Variants in GUCY2F observed in about 807,000 individuals in gnomAD.
GUCY2F encodes the protein guanylate cyclase 2F, retinal.
In GUCY2F, 61 loss-of-function variants were observed where a neutral mutation model predicts 73.1. The observed-to-expected ratio is 0.83, with a 90% CI of 0.68 to 1.03. GUCY2F has a LOEUF of 1.03. GUCY2F is among the 50% of genes least tolerant of loss of function. The pLI, the probability that GUCY2F is intolerant of heterozygous loss-of-function variation, is 0.00. For missense variants in GUCY2F, 912 were observed against 854.3 expected, an observed-to-expected ratio of 1.07 and a Z score of -0.84; for synonymous variants, 331 against 307.8, an observed-to-expected ratio of 1.08 and a Z score of -0.79.
intron 13 of GUCY2F, among the ~76,000 whole-genome samples, chrX:109,392,332 A>G (rs1228415314): frequency 1.8e-5 from 2 of 112,253 alleles, no homozygotes; most frequent in Non-Finnish European, 3.8e-5. Context: ...AGCACTGGAC[A>G]GACCTGGTCT....
intron 3 of GUCY2F, among the ~76,000 whole-genome samples, chrX:109,458,009 T>G (rs916544487): frequency 1.8e-5 from 2 of 111,827 alleles, no homozygotes; most frequent in African/African-American, 3.2e-5. Context: ...TTATAATCCT[T>G]GCCCAATCAT....
At chrX:109,463,354 T>C (rs967901159) in intron 3 of GUCY2F, among the ~76,000 whole-genome samples, 2 of 110,601 alleles carry the variant, frequency 1.8e-5, no homozygotes, top group Non-Finnish European at 3.8e-5. Flanking sequence ...GGTTTAGGCA[T>C]GGGCATGGGA....
chrX:109,383,336 A>G, intron 16 of GUCY2F: 1 of 493,159 alleles, frequency 2.0e-6, no homozygotes, highest in African/African-American at 2.6e-5. Flanking sequence ...GGGAACACAC[A>G]GCTTAAAAGA....
chrX:109,385,366 G>A (rs1930412745), intron 15 of GUCY2F, 84 bp from the exon 16 acceptor site: 2 of 474,886 alleles, frequency 4.2e-6, no homozygotes, highest in Non-Finnish European at 7.2e-6. Flanking sequence ...AGGAAGGAAT[G>A]TATCTTTGTA....
chrX:109,383,622 G>C (rs1930370582), intron 16 of GUCY2F, among the ~76,000 whole-genome samples: 2 of 111,948 alleles, frequency 1.8e-5, no homozygotes, highest in African/African-American at 6.5e-5. Context: ...ACATTAACCA[G>C]CTCCTTTAGC....
chrX:109,463,367 C>T (rs1194321402), intron 3 of GUCY2F, among the ~76,000 whole-genome samples: 3 of 108,095 alleles, frequency 2.8e-5, no homozygotes, highest in Non-Finnish European at 5.7e-5. Context: ...GCATGGGACA[C>T]AATCGTGACA....
At chrX:109,380,861 G>T (rs1229932896) in intron 17 of GUCY2F, among the ~76,000 whole-genome samples, 1 of 112,243 alleles carries the variant, frequency 8.9e-6, no homozygotes, top group African/African-American at 3.2e-5. Flanking sequence ...CAATGCAGAG[G>T]AAAAGGTCTT....
At chrX:109,407,265 G>T (rs1403879084) in intron 9 of GUCY2F, among the ~76,000 whole-genome samples, 2 of 112,197 alleles carry the variant, frequency 1.8e-5, no homozygotes, top group Non-Finnish European at 3.8e-5. Flanking sequence ...GTGGCATTTT[G>T]CCCCTGCCCT....
At chrX:109,381,580 A>G (rs911338360) in intron 17 of GUCY2F, among the ~76,000 whole-genome samples, 37 of 112,269 alleles carry the variant, frequency 3.3e-4, no homozygotes, top group African/African-American at 1.1e-3. Context: ...TAACTCTAAC[A>G]GGGAAAAAGG....
chrX:109,454,818 T>C (rs755120243), intron 3 of GUCY2F, among the ~76,000 whole-genome samples: 15 of 111,022 alleles, frequency 1.4e-4, no homozygotes, highest in South Asian at 3.8e-4. Context: ...TGGTTTTCCA[T>C]GTCACTTCAC....
chrX:109,431,469 C>T (rs959156068), intron 7 of GUCY2F, among the ~76,000 whole-genome samples: 1 of 110,657 alleles, frequency 9.0e-6, no homozygotes, highest in Non-Finnish European at 1.9e-5. Context: ...GAGGCTGAGG[C>T]GGGCGGATCG....
intron 3 of GUCY2F, among the ~76,000 whole-genome samples, chrX:109,462,106 A>G (rs143288959): frequency 5.8e-4 from 65 of 112,942 alleles, no homozygotes; most frequent in African/African-American, 2.1e-3. Flanking sequence ...CCTAGCCTCA[A>G]AGGAGAAAAA....
chrX:109,439,416 T>C (rs926970302), intron 7 of GUCY2F, among the ~76,000 whole-genome samples: 5 of 111,925 alleles, frequency 4.5e-5, no homozygotes, highest in Non-Finnish European at 7.5e-5. Context: ...CTTCTATCCA[T>C]ACCAATCTCC....
chrX:109,416,785 T>G (rs762531722), intron 8 of GUCY2F, among the ~76,000 whole-genome samples: 1 of 110,407 alleles, frequency 9.1e-6, no homozygotes, highest in Admixed American at 9.6e-5. Context: ...CCAAGGAGAT[T>G]AAATACAAAG....
At chrX:109,404,264 C>T (rs1179938872) in intron 10 of GUCY2F, 64 bp downstream of exon 10, 2 of 781,648 alleles carry the variant, frequency 2.6e-6, no homozygotes, top group Non-Finnish European at 3.8e-6. Context: ...TAATTCAGTG[C>T]ATATTTTCAT....
At chrX:109,384,596 G>T (rs1173776446) in intron 16 of GUCY2F, among the ~76,000 whole-genome samples, 1 of 111,501 alleles carries the variant, frequency 9.0e-6, no homozygotes, top group Non-Finnish European at 1.9e-5. Context: ...AGAAGCTAAG[G>T]GTTTTATATA....
intron 8 of GUCY2F, among the ~76,000 whole-genome samples, chrX:109,411,666 G>T (rs1328338401): frequency 9.0e-6 from 1 of 111,727 alleles, no homozygotes; most frequent in Non-Finnish European, 1.9e-5. Flanking sequence ...TATTGAGAAT[G>T]AGGTACCTAC....
At chrX:109,431,563 G>C (rs1931613749) in intron 7 of GUCY2F, among the ~76,000 whole-genome samples, 1 of 110,443 alleles carries the variant, frequency 9.1e-6, no homozygotes, top group Non-Finnish European at 1.9e-5. Flanking sequence ...GCCGGGCGTG[G>C]TGGCGGGCGC....
intron 8 of GUCY2F, among the ~76,000 whole-genome samples, chrX:109,409,584 T>A (rs1351253927): frequency 1.8e-5 from 2 of 111,231 alleles, no homozygotes; most frequent in African/African-American, 6.6e-5. Flanking sequence ...TCAATTAATA[T>A]AGTTTTGCTG....
Sources: gnomAD v4.1 joint callset for allele counts (sites outside exome capture counted in the v4.1 genomes callset) on GRCh38, gnomAD v4.1.1 for gene constraint, MANE v1.5 for transcripts, NCBI Gene and HGNC (gene_info 2026-07-23, HGNC 2026-07-21) for gene names.